The following SSBP2 variants were observed in gnomAD, a reference collection of about 807,000 sequenced individuals.
SSBP2 encodes the protein single stranded DNA binding protein 2.
SSBP2 carries 17 observed loss-of-function variants against 61.8 expected under a neutral mutation model. That is an observed-to-expected ratio of 0.28 (90% CI 0.19 to 0.41). SSBP2 has a LOEUF of 0.41. SSBP2 is among the 10% of genes least tolerant of loss of function. The pLI, the probability that SSBP2 is intolerant of heterozygous loss-of-function variation, is 1.00. For synonymous variants in SSBP2, 139 were observed against 141.3 expected (o/e 0.98, Z 0.12); for missense variants, 310 against 458.7 (o/e 0.68, Z 2.96).
chr5:81,707,818 T>G (rs1313730228), intron 1 of SSBP2, among the ~76,000 whole-genome samples: 1 of 152,168 alleles, frequency 6.6e-6, no homozygotes, highest in African/African-American at 2.4e-5. Context: ...TCTTTCAGGT[T>G]GTTGTGAGGA....
intron 1 of SSBP2, among the ~76,000 whole-genome samples, chr5:81,683,671 G>A (rs1410248228): frequency 6.6e-6 from 1 of 152,114 alleles, no homozygotes; most frequent in Non-Finnish European, 1.5e-5. Flanking sequence ...GCACTGTCAA[G>A]AGAATGAGAA....
intron 1 of SSBP2, among the ~76,000 whole-genome samples, chr5:81,725,863 T>C (rs12187258): frequency 0.03 from 4,571 of 152,244 alleles, 80 homozygotes; most frequent in Middle Eastern, 0.095. Flanking sequence ...GAGCTGATAA[T>C]TGTTGATGCT....
rs1413061103 is a variant in SSBP2, at chr5:81,461,071, G to A, written c.671C>T (p.Pro224Leu). The A allele has an allele frequency of 1.3e-6, 2 of 1,576,666 alleles. No individual in the cohort carries two copies. The highest frequency in any genetic ancestry group is 1.7e-6 in the Non-Finnish European group (2 of 1,160,274). The change falls in exon 10 of 17, where the codon CCA becomes CTA. Residue 224 changes from proline (P) to leucine (L), a missense_variant. Coordinates refer to ENST00000320672, the MANE Select transcript of SSBP2 (RefSeq NM_012446.5). ...TATACTCACTGAATTGGCATTTGTTGGGTTTGGCCAAGGTCTACCACCACC... is the reference window on the plus strand; with the variant it reads ...TATACTCACTGAATTGGCATTTGTTAGGTTTGGCCAAGGTCTACCACCACC...
At chr5:81,590,832 TG>T (rs1775441736) in intron 4 of SSBP2, among the ~76,000 whole-genome samples, 1 of 152,146 alleles carries the variant, frequency 6.6e-6, no homozygotes, top group African/African-American at 2.4e-5. Flanking sequence ...ATTACAGCTG[TG>T]GGAAAACAGT....
chr5:81,741,845 ATTTT>A (rs1757045618), intron 1 of SSBP2, among the ~76,000 whole-genome samples: 1 of 152,238 alleles, frequency 6.6e-6, no homozygotes, highest in African/African-American at 2.4e-5. Flanking sequence ...CTGTAACAAT[ATTTT>A]TTGTTTAATG....
chr5:81,713,842 A>G (rs1754975956), intron 1 of SSBP2, among the ~76,000 whole-genome samples: 1 of 152,178 alleles, frequency 6.6e-6, no homozygotes, highest in Non-Finnish European at 1.5e-5. Flanking sequence ...ATTTCCAAAA[A>G]CTATTCTTAA....
intron 6 of SSBP2, among the ~76,000 whole-genome samples, chr5:81,482,191 G>GC (rs546986562): frequency 2.6e-5 from 4 of 152,164 alleles, no homozygotes; most frequent in Middle Eastern, 3.4e-3. Flanking sequence ...TTATCCATGT[G>GC]CCTCAGCCTC....
At chr5:81,528,414 A>G (rs1770123881) in intron 4 of SSBP2, among the ~76,000 whole-genome samples, 1 of 152,074 alleles carries the variant, frequency 6.6e-6, no homozygotes. Context: ...AAAGGACATT[A>G]AAGTACAATA....
intron 4 of SSBP2, among the ~76,000 whole-genome samples, chr5:81,545,483 G>T (rs1771661025): frequency 6.6e-6 from 1 of 152,160 alleles, no homozygotes. Context: ...ATAATTAGTT[G>T]TGTGAATAAA....
intron 1 of SSBP2, among the ~76,000 whole-genome samples, chr5:81,684,441 G>A (rs999183554): frequency 6.6e-6 from 1 of 152,174 alleles, no homozygotes; most frequent in Non-Finnish European, 1.5e-5. Flanking sequence ...GGGGTTCAGA[G>A]AGACAGAGGG....
chr5:81,438,046 C>A (rs1762783742), intron 14 of SSBP2, among the ~76,000 whole-genome samples: 1 of 152,008 alleles, frequency 6.6e-6, no homozygotes, highest in South Asian at 2.1e-4. Context: ...ATATGAATTT[C>A]TTTTCTTATG....
intron 2 of SSBP2, among the ~76,000 whole-genome samples, chr5:81,644,565 T>G (rs535827166): frequency 8.5e-4 from 129 of 152,312 alleles, no homozygotes; most frequent in African/African-American, 3.1e-3. Flanking sequence ...TGTCTAGTAT[T>G]CAAGTTAATG....
At chr5:81,592,602 G>C (rs1173377485) in intron 4 of SSBP2, among the ~76,000 whole-genome samples, 1 of 152,170 alleles carries the variant, frequency 6.6e-6, no homozygotes, top group African/African-American at 2.4e-5. Flanking sequence ...AGTAGGGGCG[G>C]ACTGACACCT....
At chr5:81,724,384 A>C (rs1755736756) in intron 1 of SSBP2, among the ~76,000 whole-genome samples, 1 of 152,084 alleles carries the variant, frequency 6.6e-6, no homozygotes, top group Admixed American at 6.6e-5. Flanking sequence ...GATTGTTCCT[A>C]TTACGAATGT....
chr5:81,472,493 GA>G (rs767037093), intron 8 of SSBP2, among the ~76,000 whole-genome samples: 35 of 152,196 alleles, frequency 2.3e-4, no homozygotes, highest in Non-Finnish European at 3.8e-4. Flanking sequence ...ATTCTATAAT[GA>G]AATATGATTG....
At chr5:81,503,310 C>T (rs970509947) in intron 5 of SSBP2, among the ~76,000 whole-genome samples, 18 of 151,936 alleles carry the variant, frequency 1.2e-4, no homozygotes, top group Non-Finnish European at 2.5e-4. Context: ...AAAAATTAGC[C>T]GGGTGTGGTG....
chr5:81,607,095 T>G (rs1438052025), intron 4 of SSBP2, among the ~76,000 whole-genome samples: 1 of 152,210 alleles, frequency 6.6e-6, no homozygotes, highest in Non-Finnish European at 1.5e-5. Flanking sequence ...GACTTCCTAT[T>G]TCCTTTATGT....
chr5:81,660,508 C>G (rs939445388), intron 1 of SSBP2, among the ~76,000 whole-genome samples: 1 of 152,174 alleles, frequency 6.6e-6, no homozygotes, highest in Non-Finnish European at 1.5e-5. Flanking sequence ...CAGGAAACAA[C>G]AGATGCTGGT....
chr5:81,654,240 C>T (rs768677832), intron 1 of SSBP2, among the ~76,000 whole-genome samples: 15 of 152,134 alleles, frequency 9.9e-5, no homozygotes, highest in Admixed American at 5.2e-4. Context: ...GCTGGGATTA[C>T]AGGCATGAGC....
Sources: gnomAD v4.1 joint callset for allele counts (sites outside exome capture counted in the v4.1 genomes callset) on GRCh38, gnomAD v4.1.1 for gene constraint, MANE v1.5 for transcripts, NCBI Gene and HGNC (gene_info 2026-07-23, HGNC 2026-07-21) for gene names.